Variants in NIPAL3 observed in about 807,000 individuals in gnomAD.
The protein encoded by NIPAL3 is NIPA like domain containing 3.
In NIPAL3, 41 loss-of-function variants were observed where a neutral mutation model predicts 47.2. The observed-to-expected ratio is 0.87, with a 90% CI of 0.68 to 1.13. The LOEUF (loss-of-function observed/expected upper bound fraction) is 1.13, where lower values mean the gene tolerates loss of function less well. Ranked by LOEUF, NIPAL3 falls within the 50% of genes most tolerant of loss-of-function variation. The pLI, the probability that NIPAL3 is intolerant of heterozygous loss-of-function variation, is 0.00. For synonymous variants in NIPAL3, 194 were observed against 209.6 expected (o/e 0.93, Z 0.64); for missense variants, 449 against 530.1 (o/e 0.85, Z 1.50).
chr1:24,426,428 G>A (rs990532519), intron 2 of NIPAL3, among the ~76,000 whole-genome samples: 4 of 152,106 alleles, frequency 2.6e-5, no homozygotes, highest in African/African-American at 9.7e-5. Flanking sequence ...CCGGGTAGCT[G>A]GGATTACAGG....
chr1:24,428,767 C>G (rs1644746404), intron 2 of NIPAL3, among the ~76,000 whole-genome samples: 1 of 152,158 alleles, frequency 6.6e-6, no homozygotes, highest in Non-Finnish European at 1.5e-5. Context: ...GGGAAGTCTT[C>G]CCTTGGCCCA....
At position 24,471,179 on chromosome 1, in the gene NIPAL3, C is replaced by T. The variant is rs914571607; in HGVS notation, c.*1994C>T. On this transcript the variant is annotated 3_prime_UTR_variant, in exon 12 of 12. Coordinates refer to ENST00000374399, the MANE Select transcript of NIPAL3 (RefSeq NM_020448.5). ...TAAAGCATATAAAATAGGGTGATCACCCCCGAGGCAGAGGGGCCAGCATTT... is the reference window on the plus strand; with the variant it reads ...TAAAGCATATAAAATAGGGTGATCATCCCCGAGGCAGAGGGGCCAGCATTT... The T allele has an allele frequency of 4.6e-5, 7 of 152,202 alleles. No homozygotes were observed. The highest frequency in any genetic ancestry group is 3.9e-4 in the Admixed American group (6 of 15,278). The allele number at this position is 152,202 out of a possible 1,614,324, so 9.4% of individuals were successfully genotyped here.
chr1:24,446,513 G>C (rs1044780516), intron 5 of NIPAL3, among the ~76,000 whole-genome samples: 1 of 151,164 alleles, frequency 6.6e-6, no homozygotes, highest in South Asian at 2.1e-4. Context: ...CACTTAAAGT[G>C]AGGACATGCA....
chr1:24,448,412 C>T (rs750294789), intron 5 of NIPAL3, among the ~76,000 whole-genome samples: 10 of 151,962 alleles, frequency 6.6e-5, no homozygotes, highest in Non-Finnish European at 1.3e-4. Flanking sequence ...AGGTCTGTGG[C>T]GTAGAATATT....
At position 24,419,430 on chromosome 1, in the gene NIPAL3, G is replaced by C; in HGVS notation, c.-118G>C. 2 of 1,378,450 alleles carry C rather than the reference G, an allele frequency of 1.5e-6. No homozygotes were observed. Among genetic ancestry groups the C allele is most frequent in the Non-Finnish European group, 9.4e-7 (1 of 1,063,102 alleles). 85.4% of individuals were successfully genotyped at this position (1,378,450 alleles called of 1,614,324 possible). A position where few individuals can be genotyped will look rare whatever the true frequency, so the allele number is the denominator to read the frequency against. On this transcript the variant is annotated 5_prime_UTR_variant, in exon 2 of 12. Transcript: ENST00000374399. Reference sequence around the variant, plus strand: ...TGAAGTATTCTTTTGTCATGAGGAAGTGACGGCTGCTGGAGGGAGGTGAAC... The same window carrying C: ...TGAAGTATTCTTTTGTCATGAGGAACTGACGGCTGCTGGAGGGAGGTGAAC...
Position 24,466,291 on chromosome 1 carries a change from G to GT in NIPAL3, c.1021+2178dup, listed in dbSNP as rs944043130. On this transcript the variant is annotated intron_variant, in intron 11 of 11. Transcript: ENST00000374399. ...AAGCAGGTGGAATGGGAAGAAAAGGGTTTTTTTCCTAAAATTAAAAATAAA... is the reference window on the plus strand; with the variant it reads ...AAGCAGGTGGAATGGGAAGAAAAGGGTTTTTTTTCCTAAAATTAAAAATAAA... 4 of 419,856 alleles carry GT rather than the reference G, an allele frequency of 9.5e-6. No individual in the cohort carries two copies. In the Admixed American group the frequency reaches 1.2e-4, roughly 13 times the overall value. 26.0% of individuals were successfully genotyped at this position (419,856 alleles called of 1,614,324 possible).
Position 24,458,916 on chromosome 1 carries a change from G to C in NIPAL3, c.802G>C (p.Asp268His), listed in dbSNP as rs185614655. ...TTTGAGTCAAGCCTCACAGATGTAC[G>C]ACTCCTCTTTGATTGCCAGTGTGGG... ...AFLSQASQMYDSSLIASVGYI... is the reference protein window; with the variant it reads ...AFLSQASQMYHSSLIASVGYI... Residue 268 changes from aspartate to histidine, a missense_variant, in exon 9 of 12, where the codon GAC (aspartate) becomes CAC (histidine). Transcript: ENST00000374399. The C allele has an allele frequency of 1.4e-5, 23 of 1,613,906 alleles. No individual in the cohort carries two copies. The African/African-American group carries it at 2.7e-4, about 19-fold the overall frequency.
At position 24,451,644 on chromosome 1, in the gene NIPAL3, C is replaced by T. The variant is rs1645941895; in HGVS notation, c.541-1764C>T. Among the ~76,000 whole-genome samples, 1 of 151,706 alleles carries T rather than the reference C, an allele frequency of 6.6e-6. No homozygotes were observed. Among genetic ancestry groups the T allele is most frequent in the Non-Finnish European group, 1.5e-5 (1 of 67,948 alleles). On this transcript the variant is annotated intron_variant, in intron 6 of 11. Coordinates refer to ENST00000374399, the MANE Select transcript of NIPAL3 (RefSeq NM_020448.5). This position sits in a 1 kb window ranked among gnomAD's most constrained non-coding sequence, Gnocchi z 4.5. ...CTTTGAGCCCTGGAGGTCAAAGCTG[C>T]AGTAAGCCATGATCACAGTACTGCA...
chr1:24,440,211 C>G lies in NIPAL3; in HGVS notation c.133C>G (p.Leu45Val). The change falls in exon 3 of 12, where the codon CTC becomes GTC. Residue 45 changes from leucine to valine, a missense_variant. Leu to Val is a conservative substitution (Grantham distance 32, BLOSUM62 1). Transcript: ENST00000374399. The stretch of plus-strand genomic sequence containing the variant: ...CGCCCTCTTGGCGATCTTCGGGCAC[C>G]TCGTGGTCAGCATTGCACTTAACCT... ...IGALLAIFGH[L>V]VVSIALNLQK... 5 of 1,597,812 alleles carry G rather than the reference C, an allele frequency of 3.1e-6. No individual in the cohort carries two copies. The South Asian group carries it at 5.6e-5, about 18-fold the overall frequency.
intron 2 of NIPAL3, among the ~76,000 whole-genome samples, chr1:24,432,374 G>A (rs995318747): frequency 6.6e-6 from 1 of 152,084 alleles, no homozygotes; most frequent in African/African-American, 2.4e-5. Flanking sequence ...TGATCTGCCC[G>A]CCTCAACCTC....
At position 24,449,373 on chromosome 1, in the gene NIPAL3, A is replaced by G. The variant is rs1449120940; in HGVS notation, c.395-108A>G. On this transcript the variant is annotated intron_variant, in intron 5 of 11. Transcript: ENST00000374399. This position sits in a 1 kb window ranked among gnomAD's most constrained non-coding sequence, Gnocchi z 4.5. ...AAAAACCAAAAATACAAACAATACC[A>G]GGTCATGGTATGTTGCAGGAGAAGC... The G allele has an allele frequency of 2.3e-5, 26 of 1,115,972 alleles. No individual in the cohort carries two copies. In the East Asian group the frequency reaches 6.7e-4, roughly 29 times the overall value. The allele number at this position is 1,115,972 out of a possible 1,614,324, so 69.1% of individuals were successfully genotyped here.
chr1:24,442,182 C>T lies in NIPAL3; in HGVS notation c.290C>T (p.Ala97Val), dbSNP rs150713534. ...GGTGTGTTCGCCTCCTACGCCTTCG[C>T]GCCGCTGTCACTCATCGTGCCCCTC... is the stretch of plus-strand genomic sequence containing the variant. ...ELGVFASYAF[A>V]PLSLIVPLSA... The change falls in exon 4 of 12, where the codon GCG (alanine) becomes GTG (valine). Residue 97 changes from alanine to valine, a missense_variant. Transcript: ENST00000374399. The T allele has an allele frequency of 3.2e-5, 52 of 1,614,010 alleles. No homozygotes were observed. The highest frequency in any genetic ancestry group is 4.4e-5 in the Non-Finnish European group (52 of 1,180,028).
chr1:24,456,308 C>T, intron 8 of NIPAL3, 35 bp downstream of exon 8: 3 of 1,613,716 alleles, frequency 1.9e-6, no homozygotes, highest in Non-Finnish European at 2.5e-6. Flanking sequence ...TGGGCCCTGC[C>T]ATTCGGGCTG....
rs768316874 is a variant in NIPAL3, at chr1:24,453,469, A to C, written c.602A>C (p.Asn201Thr). The C allele has an allele frequency of 2.0e-5, 33 of 1,613,146 alleles. No individual in the cohort carries two copies. In the South Asian group the frequency reaches 3.6e-4, roughly 18 times the overall value. Residue 201 changes from asparagine to threonine, a missense_variant, in exon 7 of 12, where the codon AAC (asparagine) becomes ACC (threonine). Transcript: ENST00000374399. ...LYFYKEKNAN[N>T]IVVILLLVAL... ...TTCTACAAGGAGAAGAACGCCAACAACATTGTCGTGATTCTTCTCTTGGTG... is the reference window on the plus strand; with the variant it reads ...TTCTACAAGGAGAAGAACGCCAACACCATTGTCGTGATTCTTCTCTTGGTG...
intron 3 of NIPAL3, among the ~76,000 whole-genome samples, chr1:24,441,148 T>C (rs1645364221): frequency 6.6e-6 from 1 of 152,180 alleles, no homozygotes; most frequent in Admixed American, 6.5e-5. Flanking sequence ...CCACCAGCAC[T>C]GCCCAGCTTC....
chr1:24,449,448 C>T lies in NIPAL3; in HGVS notation c.395-33C>T. 6.2e-7 allele frequency: 1 copy of T among 1,609,812 alleles called. No homozygotes were observed. The highest frequency in any genetic ancestry group is 8.5e-7 in the Non-Finnish European group (1 of 1,178,062). On this transcript the variant is annotated intron_variant, in intron 5 of 11. Transcript: ENST00000374399. The surrounding 1 kb of genome is among the most constrained non-coding windows in gnomAD (Gnocchi z 4.5). ...GTACTGTATCTTGGGCCTGTTGTTG[C>T]AATGAGTCCGTGACAGCCTCTCTTC...
intron 10 of NIPAL3, among the ~76,000 whole-genome samples, chr1:24,462,939 T>C (rs1177475776): frequency 6.6e-6 from 1 of 152,200 alleles, no homozygotes; most frequent in African/African-American, 2.4e-5. Flanking sequence ...ACCCCATCTC[T>C]ACTAAAAATA....
chr1:24,439,107 G>T (rs1645261271), intron 2 of NIPAL3, among the ~76,000 whole-genome samples: 1 of 152,118 alleles, frequency 6.6e-6, no homozygotes, highest in African/African-American at 2.4e-5. Context: ...TTATTTGGGT[G>T]ATGGGTTCAC....
Position 24,454,448 on chromosome 1 carries a change from T to C in NIPAL3, c.637+944T>C. 2.0e-6 allele frequency: 2 copies of C among 997,012 alleles called. No individual in the cohort carries two copies. Among genetic ancestry groups the C allele is most frequent in the Non-Finnish European group, 1.2e-6 (1 of 836,756 alleles). The allele number at this position is 997,012 out of a possible 1,614,324, so 61.8% of individuals were successfully genotyped here. ...ATGAGATGTGCACAGGTGGCTAATA[T>C]GTGCATTTTTCTTCCAACCTTCCTA... On this transcript the variant is annotated intron_variant, in intron 7 of 11. Transcript: ENST00000374399. The surrounding 1 kb of genome is among the most constrained non-coding windows in gnomAD (Gnocchi z 4.1).
Sources: allele counts gnomAD v4.1 joint callset (sites outside exome capture counted in the v4.1 genomes callset), GRCh38; gene constraint gnomAD v4.1.1; non-coding constraint Gnocchi (gnomAD v3.1); transcripts MANE v1.5; gene names NCBI Gene and HGNC (gene_info 2026-07-23, HGNC 2026-07-21).